The following ICA1L variants were observed in gnomAD, a reference collection of about 807,000 sequenced individuals.
ICA1L encodes the protein islet cell autoantigen 1 like, also known as islet cell autoantigen 1-like protein.
In ICA1L, 50 loss-of-function variants were observed where a neutral mutation model predicts 61.3. That is an observed-to-expected ratio of 0.82 (90% CI 0.65 to 1.03). The LOEUF (loss-of-function observed/expected upper bound fraction) is 1.03, where lower values mean the gene tolerates loss of function less well. Among genes scored for constraint, ICA1L ranks in the 50% least tolerant of loss-of-function variants. The probability of loss-of-function intolerance (pLI) is 0.00; values close to 1 mark genes in which losing one functional copy is unlikely to be tolerated. For synonymous variants in ICA1L, 161 were observed against 191.3 expected (o/e 0.84, Z 1.31); for missense variants, 508 against 556.7 (o/e 0.91, Z 0.88).
At chr2:202,782,068 G>A (rs997700033) in intron 12 of ICA1L, among the ~76,000 whole-genome samples, 4 of 152,008 alleles carry the variant, frequency 2.6e-5, no homozygotes, top group South Asian at 2.1e-4. Context: ...TTTTATGGCC[G>A]GACATGGTGG....
Position 202,774,169 on chromosome 2 carries a change from C to T in ICA1L, c.*5364G>A. 6.5e-7 allele frequency: 1 copy of T among 1,549,018 alleles called. No individual in the cohort carries two copies. Among genetic ancestry groups the T allele is most frequent in the South Asian group, 1.2e-5 (1 of 84,014 alleles). ...TTGTTGATGCTTCATATCTGAGCGG[C>T]TTCTTGGAGAGCGGGCACACCAGGA... On this transcript the variant is annotated 3_prime_UTR_variant, in exon 13 of 13. Coordinates refer to ENST00000358299, the MANE Select transcript of ICA1L (RefSeq NM_001288622.3).
At chr2:202,846,372 AT>A (rs919828784) in intron 1 of ICA1L, among the ~76,000 whole-genome samples, 2 of 150,520 alleles carry the variant, frequency 1.3e-5, no homozygotes, top group African/African-American at 2.4e-5. Context: ...CACTTGGCTA[AT>A]TTTTTTTTCT....
At chr2:202,813,792 A>C (rs1266802098) in intron 8 of ICA1L, among the ~76,000 whole-genome samples, 1 of 152,210 alleles carries the variant, frequency 6.6e-6, no homozygotes, top group Non-Finnish European at 1.5e-5. Flanking sequence ...TAAAAGGGAA[A>C]CGGGGCATGA....
At chr2:202,856,462 C>T (rs1449011471) in intron 1 of ICA1L, among the ~76,000 whole-genome samples, 1 of 152,066 alleles carries the variant, frequency 6.6e-6, no homozygotes, top group African/African-American at 2.4e-5. Flanking sequence ...AATAAACTAG[C>T]TATTGATGGA....
At chr2:202,838,105 C>T (rs927840923) in intron 1 of ICA1L, among the ~76,000 whole-genome samples, 1 of 152,152 alleles carries the variant, frequency 6.6e-6, no homozygotes, top group Admixed American at 6.5e-5. Context: ...CCACCCACCT[C>T]GGCCTCCCAA....
chr2:202,858,146 TTC>T (rs1694815691), intron 1 of ICA1L, among the ~76,000 whole-genome samples: 1 of 152,222 alleles, frequency 6.6e-6, no homozygotes. Context: ...TTATAAATCA[TTC>T]TACTATAAAG....
intron 9 of ICA1L, among the ~76,000 whole-genome samples, chr2:202,810,454 A>C (rs927926760): frequency 2.0e-5 from 3 of 152,188 alleles, no homozygotes; most frequent in African/African-American, 4.8e-5. Context: ...TACCCTTGTG[A>C]TTTCCTATGC....
chr2:202,841,696 A>G (rs1313692982), intron 1 of ICA1L: 7 of 533,444 alleles, frequency 1.3e-5, no homozygotes, highest in African/African-American at 1.1e-4. Context: ...GCCCACGCGC[A>G]TAGGAGCAGT....
intron 12 of ICA1L, among the ~76,000 whole-genome samples, chr2:202,780,536 G>A (rs1419080590): frequency 6.6e-6 from 1 of 152,182 alleles, no homozygotes; most frequent in African/African-American, 2.4e-5. Context: ...CAGAAGTCTA[G>A]GCCCTTGAAA....
chr2:202,773,876 C>A lies in ICA1L; in HGVS notation c.*5657G>T. The A allele has an allele frequency of 7.7e-7, 1 of 1,296,534 alleles. No individual in the cohort carries two copies. Among genetic ancestry groups the A allele is most frequent in the Non-Finnish European group, 1.1e-6 (1 of 894,572 alleles). 80.3% of individuals were successfully genotyped at this position (1,296,534 alleles called of 1,614,324 possible). ...TTTCTTCTACAGAGGCTGAGTGGAA[C>A]AGTCCTGCTAAATAAACCAGTGGAA... is the stretch of plus-strand genomic sequence containing the variant. On this transcript the variant is annotated 3_prime_UTR_variant, in exon 13 of 13. Coordinates refer to ENST00000358299, the MANE Select transcript of ICA1L (RefSeq NM_001288622.3).
intron 6 of ICA1L, among the ~76,000 whole-genome samples, chr2:202,816,550 T>G (rs555273306): frequency 2.4e-4 from 37 of 152,270 alleles, no homozygotes; most frequent in Non-Finnish European, 5.1e-4. Flanking sequence ...CTGATTAAAG[T>G]GAGGAGGATG....
intron 1 of ICA1L, among the ~76,000 whole-genome samples, chr2:202,861,400 T>C (rs1463608267): frequency 5.7e-4 from 1 of 1,758 alleles, no homozygotes; most frequent in Non-Finnish European, 1.4e-3. Flanking sequence ...CGAGACTATC[T>C]CAAAAAAAAA....
At chr2:202,828,740 ATT>A in intron 2 of ICA1L, 106 bp downstream of exon 2, 1 of 849,152 alleles carries the variant, frequency 1.2e-6, no homozygotes. Flanking sequence ...CTATTATCAA[ATT>A]TGCATTTATC....
Position 202,773,733 on chromosome 2 carries a change from A to T in ICA1L, c.*5800T>A. Reference sequence around the variant, plus strand: ...ACTCTAGTTGCATCAGTTATGCATGAAGAGTTTAATAACCATCCAGGTCCA... The same window carrying T: ...ACTCTAGTTGCATCAGTTATGCATGTAGAGTTTAATAACCATCCAGGTCCA... On this transcript the variant is annotated 3_prime_UTR_variant, in exon 13 of 13. Coordinates refer to ENST00000358299, the MANE Select transcript of ICA1L (RefSeq NM_001288622.3). The T allele has an allele frequency of 8.1e-7, 1 of 1,234,582 alleles. No homozygotes were observed. The highest frequency in any genetic ancestry group is 1.2e-5 in the South Asian group (1 of 81,960). The allele number at this position is 1,234,582 out of a possible 1,614,324, so 76.5% of individuals were successfully genotyped here. A position where few individuals can be genotyped will look rare whatever the true frequency, so the allele number is the denominator to read the frequency against.
intron 1 of ICA1L, among the ~76,000 whole-genome samples, chr2:202,833,516 T>C (rs1183959688): frequency 6.6e-6 from 1 of 152,044 alleles, no homozygotes; most frequent in African/African-American, 2.4e-5. Flanking sequence ...TCCCAGGAGT[T>C]TGAGGCTGCA....
At chr2:202,838,930 C>T (rs1424189313) in intron 1 of ICA1L, among the ~76,000 whole-genome samples, 1 of 152,098 alleles carries the variant, frequency 6.6e-6, no homozygotes, top group Non-Finnish European at 1.5e-5. Context: ...ACAATACTCC[C>T]TTAAACAACC....
intron 1 of ICA1L, chr2:202,871,362 G>A (rs1253117404): frequency 6.6e-6 from 1 of 152,166 alleles, no homozygotes; most frequent in Non-Finnish European, 1.5e-5. Flanking sequence ...CGCTCCTTGC[G>A]GGTTTTGCCT....
At chr2:202,782,031 G>A (rs887403303) in intron 12 of ICA1L, among the ~76,000 whole-genome samples, 1 of 152,016 alleles carries the variant, frequency 6.6e-6, no homozygotes, top group Admixed American at 6.6e-5. Context: ...CTTAATGAAC[G>A]AATTTTAAAG....
chr2:202,857,370 T>C (rs963268936), intron 1 of ICA1L, among the ~76,000 whole-genome samples: 1 of 152,056 alleles, frequency 6.6e-6, no homozygotes, highest in Non-Finnish European at 1.5e-5. Context: ...AAACAAGCAA[T>C]GGGGAAAGGA....
Sources: allele counts gnomAD v4.1 joint callset (sites outside exome capture counted in the v4.1 genomes callset), GRCh38; gene constraint gnomAD v4.1.1; transcripts MANE v1.5; gene names NCBI Gene and HGNC (gene_info 2026-07-23, HGNC 2026-07-21).